The following PCDHA7 variants were observed in gnomAD, a reference collection of about 807,000 sequenced individuals.
PCDHA7 encodes the protein protocadherin alpha-7.
Under a neutral mutation model 57.2 loss-of-function variants are expected in PCDHA7, and 37 were observed. The ratio of observed to expected loss-of-function variants is 0.65; its 90% CI spans 0.50 to 0.85. The LOEUF is 0.85. PCDHA7 is among the 40% of genes least tolerant of loss of function. The pLI is 0.00. For missense variants in PCDHA7, 1,188 were observed against 1,241.8 expected (o/e 0.96, Z 0.65); for synonymous variants, 553 against 558.8 (o/e 0.99, Z 0.15).
intron 1 of PCDHA7, chr5:140,869,097 G>A (rs1344358126): frequency 2.5e-6 from 4 of 1,595,318 alleles, no homozygotes; most frequent in Non-Finnish European, 2.6e-6. Flanking sequence ...AGCCAATTTC[G>A]TATGCGATGT....
intron 1 of PCDHA7, among the ~76,000 whole-genome samples, chr5:140,889,615 T>C (rs1261276866): frequency 6.6e-6 from 1 of 152,184 alleles, no homozygotes; most frequent in Non-Finnish European, 1.5e-5. Flanking sequence ...ATTATACTGA[T>C]TCATTTCTCT....
At chr5:140,869,100 TGCGATGTTTGGTTTTCAGAGAAGG>T (rs1554162487) in intron 1 of PCDHA7, 1 of 1,596,924 alleles carries the variant, frequency 6.3e-7, no homozygotes, top group South Asian at 1.1e-5. Flanking sequence ...CAATTTCGTA[TGCGATGTTTGGTTTTCAGAGAAGG>T]GGATTGGGCA....
chr5:140,851,794 T>A, intron 1 of PCDHA7: 1 of 954,488 alleles, frequency 1.0e-6, no homozygotes, highest in Non-Finnish European at 1.3e-6. Flanking sequence ...ATTCACTTGT[T>A]CTGTCAGTAA....
chr5:140,876,087 G>A, intron 1 of PCDHA7: 4 of 1,613,922 alleles, frequency 2.5e-6, no homozygotes, highest in Non-Finnish European at 2.5e-6. Context: ...GAGAGCAAAC[G>A]CCAAAACTCA....
intron 1 of PCDHA7, among the ~76,000 whole-genome samples, chr5:140,925,244 G>A (rs1403438242): frequency 1.3e-5 from 2 of 152,070 alleles, no homozygotes; most frequent in African/African-American, 4.8e-5. Context: ...AATATGTCCT[G>A]GAAACTTTAA....
chr5:140,845,764 A>C lies in PCDHA7; in HGVS notation c.2355+9026A>C, dbSNP rs2150380946. 2.6e-4 allele frequency among the ~76,000 whole-genome samples: 39 copies of C among 149,790 alleles called. 2 individuals carry two copies. Among genetic ancestry groups the C allele is most frequent in the African/African-American group, 9.3e-4 (38 of 40,978 alleles). ...TAGATTTATTTGTATCAAGTAAGTT[A>C]ATAGTTATAAATTATTAATAATAAA... On this transcript the variant is annotated intron_variant, in intron 1 of 3. Transcript: ENST00000525929.
chr5:140,926,762 C>A (rs1186997274), intron 1 of PCDHA7: 5 of 1,326,554 alleles, frequency 3.8e-6, no homozygotes, highest in East Asian at 2.8e-5. Context: ...CGCTGAGTAT[C>A]CAGCCCGCAG....
At chr5:140,884,938 G>A (rs2060412389) in intron 1 of PCDHA7, among the ~76,000 whole-genome samples, 1 of 152,106 alleles carries the variant, frequency 6.6e-6, no homozygotes, top group African/African-American at 2.4e-5. Context: ...TCTTGCAATT[G>A]AGCATTTACA....
intron 1 of PCDHA7, chr5:140,841,411 G>C: frequency 6.2e-7 from 1 of 1,613,088 alleles, no homozygotes; most frequent in Non-Finnish European, 8.5e-7. Flanking sequence ...GGAGCGGCCA[G>C]CTCCACTACT....
intron 1 of PCDHA7, among the ~76,000 whole-genome samples, chr5:140,910,365 A>G (rs1554194228): frequency 6.6e-6 from 1 of 152,164 alleles, no homozygotes; most frequent in Non-Finnish European, 1.5e-5. Flanking sequence ...TATGGTAGCT[A>G]TGCCCACCTT....
chr5:140,962,511 C>T (rs1164554453), intron 1 of PCDHA7, among the ~76,000 whole-genome samples: 1 of 152,106 alleles, frequency 6.6e-6, no homozygotes, highest in Non-Finnish European at 1.5e-5. Flanking sequence ...AGCCAACTAT[C>T]AATAATATAT....
chr5:140,939,054 G>C (rs1304220594), intron 1 of PCDHA7, among the ~76,000 whole-genome samples: 1 of 152,112 alleles, frequency 6.6e-6, no homozygotes, highest in East Asian at 1.9e-4. Flanking sequence ...GTCCATTTGG[G>C]CTGCTATATC....
At chr5:140,849,958 C>T in intron 1 of PCDHA7, 1 of 1,597,890 alleles carries the variant, frequency 6.3e-7, no homozygotes, top group South Asian at 1.1e-5. Context: ...CAGGAGAACG[C>T]CCTGGTGTCC....
At chr5:140,982,658 C>G (rs530615346) in intron 3 of PCDHA7, 95 bp downstream of exon 3, 2 of 1,487,730 alleles carry the variant, frequency 1.3e-6, no homozygotes, top group East Asian at 4.9e-5. Context: ...GGCTCTTTTT[C>G]TTTTATATTT....
intron 1 of PCDHA7, among the ~76,000 whole-genome samples, chr5:140,898,963 G>A (rs1411271866): frequency 6.6e-6 from 1 of 152,070 alleles, no homozygotes; most frequent in Non-Finnish European, 1.5e-5. Context: ...TTGTGAATGG[G>A]AGTTCACTCA....
intron 1 of PCDHA7, chr5:140,842,063 G>C (rs1213934072): frequency 1.2e-6 from 2 of 1,613,830 alleles, no homozygotes; most frequent in African/African-American, 1.3e-5. Flanking sequence ...GTCTGAATAC[G>C]AAGTAAGAAT....
chr5:140,875,858 A>T, intron 1 of PCDHA7: 1 of 1,613,908 alleles, frequency 6.2e-7, no homozygotes, highest in Non-Finnish European at 8.5e-7. Flanking sequence ...ATTAACGACA[A>T]CCCGCCGGTG....
intron 1 of PCDHA7, chr5:140,865,696 A>G (rs1233175579): frequency 2.0e-5 from 3 of 152,192 alleles, no homozygotes; most frequent in African/African-American, 7.2e-5. Flanking sequence ...GACTGTTCCA[A>G]TTTGAAAGAT....
chr5:141,002,146 CT>C (rs2098061512), intron 3 of PCDHA7, among the ~76,000 whole-genome samples: 1 of 152,250 alleles, frequency 6.6e-6, no homozygotes, highest in Admixed American at 6.5e-5. Flanking sequence ...GCTGCACTGA[CT>C]TAGCAGAGTG....
Sources: gnomAD v4.1 joint callset for allele counts (sites outside exome capture counted in the v4.1 genomes callset) on GRCh38, gnomAD v4.1.1 for gene constraint, MANE v1.5 for transcripts, NCBI Gene and HGNC (gene_info 2026-07-23, HGNC 2026-07-21) for gene names.